CHN2: variants seen among roughly 807,000 people sequenced by gnomAD.
CHN2 encodes beta-chimaerin.
A neutral mutation model predicts 56.3 loss-of-function variants in CHN2; 35 were observed. That is an observed-to-expected ratio of 0.62 (90% CI 0.47 to 0.82). CHN2 has a LOEUF of 0.82. CHN2 is among the 40% of genes least tolerant of loss of function. The pLI is 0.00. For missense variants in CHN2, 491 were observed against 580.5 expected (o/e 0.85, Z 1.58); for synonymous variants, 210 against 212.8 (o/e 0.99, Z 0.12).
At chr7:29,273,343 G>GTGTA (rs1157790795) in intron 1 of CHN2, among the ~76,000 whole-genome samples, 31 of 58,182 alleles carry the variant, frequency 5.3e-4, no homozygotes, top group African/African-American at 7.7e-4. Context: ...ATATATATGT[G>GTGTA]TATATATATA....
At chr7:29,159,963 C>T (rs923930667) in intron 2 of CHN2, among the ~76,000 whole-genome samples, 2 of 152,140 alleles carry the variant, frequency 1.3e-5, no homozygotes, top group African/African-American at 4.8e-5. Context: ...CATGGGTGCA[C>T]GTCATTTTCT....
intron 2 of CHN2, among the ~76,000 whole-genome samples, chr7:29,356,681 A>G (rs1250579425): frequency 1.3e-5 from 2 of 152,148 alleles, no homozygotes; most frequent in Non-Finnish European, 2.9e-5. Flanking sequence ...TTCGTTACAT[A>G]AGTCTGTTCT....
At chr7:29,411,833 T>C (rs1803242735) in intron 6 of CHN2, among the ~76,000 whole-genome samples, 1 of 152,148 alleles carries the variant, frequency 6.6e-6, no homozygotes, top group South Asian at 2.1e-4. Context: ...GAGCTGCCCT[T>C]CAGCCCGCCC....
intron 1 of CHN2, among the ~76,000 whole-genome samples, chr7:29,351,899 T>C (rs1399010621): frequency 6.6e-6 from 1 of 152,192 alleles, no homozygotes; most frequent in South Asian, 2.1e-4. Context: ...CTCCAGTCTC[T>C]GCAGGCAGAC....
chr7:29,344,249 C>G (rs767048218), intron 1 of CHN2, among the ~76,000 whole-genome samples: 4 of 152,194 alleles, frequency 2.6e-5, no homozygotes, highest in Non-Finnish European at 5.9e-5. Context: ...CTCTTCTCTT[C>G]TCTTTCTCCC....
At chr7:29,317,433 G>A (rs1192166428) in intron 1 of CHN2, among the ~76,000 whole-genome samples, 1 of 152,108 alleles carries the variant, frequency 6.6e-6, no homozygotes, top group Non-Finnish European at 1.5e-5. Context: ...TGCAAAGTGT[G>A]GTCCATGGAC....
chr7:29,301,366 C>T (rs923173529), intron 1 of CHN2, among the ~76,000 whole-genome samples: 1 of 151,606 alleles, frequency 6.6e-6, no homozygotes, highest in Non-Finnish European at 1.5e-5. Flanking sequence ...CACACACACA[C>T]ACACACACAC....
At chr7:29,300,714 A>T (rs1282225655) in intron 1 of CHN2, among the ~76,000 whole-genome samples, 1 of 152,240 alleles carries the variant, frequency 6.6e-6, no homozygotes, top group Admixed American at 6.5e-5. Context: ...CAGATAAATT[A>T]GCAGGTGATT....
intron 1 of CHN2, among the ~76,000 whole-genome samples, chr7:29,317,358 T>C (rs11972892): frequency 0.027 from 4,144 of 152,270 alleles, 187 homozygotes; most frequent in African/African-American, 0.092. Context: ...TGCGTCAGAA[T>C]TGGGGAAGAA....
chr7:29,330,900 C>T (rs745381834), intron 1 of CHN2, among the ~76,000 whole-genome samples: 3 of 152,130 alleles, frequency 2.0e-5, no homozygotes, highest in Admixed American at 6.5e-5. Context: ...TTAGGTAGTA[C>T]GTAGCAAGGA....
chr7:29,402,119 G>A (rs1280358777), intron 6 of CHN2, among the ~76,000 whole-genome samples: 1 of 152,188 alleles, frequency 6.6e-6, no homozygotes, highest in Non-Finnish European at 1.5e-5. Context: ...GGAGCCTCGG[G>A]CTGATGGATT....
In CHN2 at chr7:29,248,611, C is replaced by T. The variant is rs1042512247; in HGVS notation, c.49+53621C>T. Among the ~76,000 whole-genome samples the T allele has an allele frequency of 2.0e-5, 3 of 152,280 alleles. No homozygotes were observed. The South Asian group carries it at 6.2e-4, about 32-fold the overall frequency. On this transcript the variant is annotated intron_variant, in intron 1 of 12. Coordinates refer to ENST00000222792, the MANE Select transcript of CHN2 (RefSeq NM_004067.4). ...CACTATCCGCAGAGCTCTGGTGGTTCCCTCCCTCTTAAGCCTGGCATTTCA... is the reference window on the plus strand; with the variant it reads ...CACTATCCGCAGAGCTCTGGTGGTTTCCTCCCTCTTAAGCCTGGCATTTCA...
At chr7:29,214,248 G>A (rs1370536699) in intron 1 of CHN2, among the ~76,000 whole-genome samples, 1 of 152,032 alleles carries the variant, frequency 6.6e-6, no homozygotes, top group Non-Finnish European at 1.5e-5. Context: ...AGTCATCACG[G>A]TACCACCCCA....
At chr7:29,482,907 C>T (rs1369690374) in intron 7 of CHN2, among the ~76,000 whole-genome samples, 1 of 140,048 alleles carries the variant, frequency 7.1e-6, no homozygotes, top group Non-Finnish European at 1.5e-5. Context: ...CTGCAAGCTC[C>T]GCCTCCCGGG....
chr7:29,385,229 T>C (rs1800825947), intron 3 of CHN2, among the ~76,000 whole-genome samples: 1 of 152,214 alleles, frequency 6.6e-6, no homozygotes, highest in Non-Finnish European at 1.5e-5. Context: ...TTTTACTCCA[T>C]TTTACTTAAT....
At chr7:29,487,831 C>T (rs1424078304) in intron 7 of CHN2, among the ~76,000 whole-genome samples, 1 of 152,136 alleles carries the variant, frequency 6.6e-6, no homozygotes, top group Non-Finnish European at 1.5e-5. Flanking sequence ...CAGGCCACCA[C>T]AACAAAGAGT....
At chr7:29,170,202 A>G (rs970923354) in intron 2 of CHN2, among the ~76,000 whole-genome samples, 2 of 152,112 alleles carry the variant, frequency 1.3e-5, no homozygotes, top group Admixed American at 6.6e-5. Flanking sequence ...TTCCTTGGCT[A>G]CTTTATGTTT....
At chr7:29,338,263 C>T (rs925182098) in intron 1 of CHN2, among the ~76,000 whole-genome samples, 1 of 152,150 alleles carries the variant, frequency 6.6e-6, no homozygotes, top group African/African-American at 2.4e-5. Flanking sequence ...GGGCAAGGCA[C>T]CATCCTCTGT....
chr7:29,462,905 TCCCTCCC>T (rs1321736917), intron 6 of CHN2, among the ~76,000 whole-genome samples: 1 of 91,620 alleles, frequency 1.1e-5, no homozygotes, highest in Non-Finnish European at 2.1e-5. Context: ...CCTAATGCCA[TCCCTCCC>T]CCCTCCCCCC....
Sources: gnomAD v4.1 joint callset for allele counts (sites outside exome capture counted in the v4.1 genomes callset) on GRCh38, gnomAD v4.1.1 for gene constraint, MANE v1.5 for transcripts, NCBI Gene and HGNC (gene_info 2026-07-23, HGNC 2026-07-21) for gene names.